MED13: variants seen among roughly 807,000 people sequenced by gnomAD.
MED13 encodes the protein mediator complex subunit 13.
MED13 carries 23 observed loss-of-function variants against 225.2 expected under a neutral mutation model. That is an observed-to-expected ratio of 0.10 (90% CI 0.07 to 0.14). The LOEUF is 0.14. Among genes scored for constraint, MED13 ranks in the 10% least tolerant of loss-of-function variants. MED13 has a pLI of 1.00. For synonymous variants in MED13, 942 were observed against 889.2 expected, an observed-to-expected ratio of 1.06 and a Z score of -1.06; for missense variants, 2,197 against 2,594.5, an observed-to-expected ratio of 0.85 and a Z score of 3.33.
intron 10 of MED13, among the ~76,000 whole-genome samples, chr17:61,993,669 C>T (rs967983846): frequency 1.3e-5 from 2 of 151,990 alleles, no homozygotes; most frequent in African/African-American, 2.4e-5. Context: ...GTGGCTCACG[C>T]CTGTAATCCC....
intron 3 of MED13, among the ~76,000 whole-genome samples, chr17:62,049,477 AC>A (rs1277097601): frequency 6.6e-6 from 1 of 152,184 alleles, no homozygotes; most frequent in African/African-American, 2.4e-5. Context: ...CAGGCATAAA[AC>A]AATCTATCAA....
At chr17:62,060,883 A>C (rs956998234) in intron 2 of MED13, among the ~76,000 whole-genome samples, 1 of 151,888 alleles carries the variant, frequency 6.6e-6, no homozygotes, top group Non-Finnish European at 1.5e-5. Flanking sequence ...TGTCTTCAGT[A>C]GAGATGGGGT....
At chr17:61,977,540 C>T (rs138785944) in intron 16 of MED13, among the ~76,000 whole-genome samples, 1 of 152,212 alleles carries the variant, frequency 6.6e-6, no homozygotes, top group Non-Finnish European at 1.5e-5. Context: ...TAAGCTCCCC[C>T]TCCCGGGTTC....
chr17:61,949,037 G>T (rs1284243024), intron 28 of MED13, among the ~76,000 whole-genome samples: 1 of 149,644 alleles, frequency 6.7e-6, no homozygotes, highest in Non-Finnish European at 1.5e-5. Context: ...GCAGTGAGCC[G>T]AGATCCCGCC....
intron 5 of MED13, among the ~76,000 whole-genome samples, 180 bp from the exon 6 acceptor site, chr17:62,031,818 A>C (rs1168027582): frequency 6.7e-6 from 1 of 148,804 alleles, no homozygotes; most frequent in African/African-American, 2.5e-5. Flanking sequence ...TCTCTTTTTT[A>C]GAAGAAACCA....
chr17:61,960,514 C>T lies in MED13; in HGVS notation c.5480+353G>A, dbSNP rs191551804. On this transcript the variant is annotated intron_variant, in intron 23 of 29. Transcript: ENST00000397786. ...GTTAACTTACTCAGTTTATTAGGGG[C>T]TATATCTTAGATGGTACATGAGAAA... 3.3e-5 allele frequency among the ~76,000 whole-genome samples: 5 copies of T among 152,140 alleles called. No individual in the cohort carries two copies. In the East Asian group the frequency reaches 7.7e-4, roughly 23 times the overall value.
intron 9 of MED13, chr17:62,004,767 G>A (rs941989863): frequency 1.3e-5 from 2 of 152,156 alleles, no homozygotes; most frequent in African/African-American, 4.8e-5. Context: ...GCTGTGTAGA[G>A]AATACATGTA....
intron 6 of MED13, 52 bp from the exon 7 acceptor site, chr17:62,030,065 G>C: frequency 7.2e-7 from 1 of 1,383,468 alleles, no homozygotes; most frequent in Non-Finnish European, 9.5e-7. Context: ...TAGGTTTAAA[G>C]TAACATTATT....
chr17:61,955,296 G>A (rs2079932741), intron 26 of MED13, 86 bp downstream of exon 26: 3 of 1,142,018 alleles, frequency 2.6e-6, no homozygotes, highest in Non-Finnish European at 2.4e-6. Flanking sequence ...GGTAAAACAA[G>A]GTAACATTCA....
At chr17:62,035,745 T>A in intron 3 of MED13, 137 bp from the exon 4 acceptor site, 3 of 727,434 alleles carry the variant, frequency 4.1e-6, no homozygotes, top group South Asian at 2.0e-5. Context: ...AGAAAAAAAA[T>A]CATGGATATG....
At chr17:61,980,212 T>G (rs1382247558) in intron 16 of MED13, among the ~76,000 whole-genome samples, 1 of 151,574 alleles carries the variant, frequency 6.6e-6, no homozygotes, top group Non-Finnish European at 1.5e-5. Context: ...CAAACAAAAA[T>G]TCCCTATACC....
intron 2 of MED13, 118 bp downstream of exon 2, chr17:62,062,949 T>G: frequency 1.5e-6 from 1 of 662,910 alleles, no homozygotes; most frequent in Non-Finnish European, 2.5e-6. Context: ...AAGCTGAATT[T>G]TTATCTGGCC....
chr17:62,031,727 G>A (rs1317908815), intron 5 of MED13, 89 bp from the exon 6 acceptor site: 2 of 713,006 alleles, frequency 2.8e-6, no homozygotes, highest in Non-Finnish European at 4.2e-6. Context: ...GGAAAAGTAG[G>A]TATCACATTT....
In MED13 at chr17:61,986,995, T is replaced by C. The variant is rs2080253254; in HGVS notation, c.2385+12A>G. On this transcript the variant is annotated intron_variant, in intron 12 of 29. Transcript: ENST00000397786. ...AACAAATTATAATCCTATTCATTAA[T>C]GAGATACTCACTGTTAGTTCATCTT... 1 of 1,514,088 alleles carries C rather than the reference T, an allele frequency of 6.6e-7. No individual in the cohort carries two copies. The highest frequency in any genetic ancestry group is 8.9e-7 in the Non-Finnish European group (1 of 1,128,898). The allele number at this position is 1,514,088 out of a possible 1,614,324, so 93.8% of individuals were successfully genotyped here.
intron 11 of MED13, among the ~76,000 whole-genome samples, chr17:61,990,572 A>G (rs932132970): frequency 6.6e-6 from 1 of 150,428 alleles, no homozygotes; most frequent in Non-Finnish European, 1.5e-5. Context: ...ATGTGTGTAT[A>G]TATGTATAGG....
rs1272838439 is a variant in MED13 at position 61,945,167 on chromosome 17, A to T, written c.*1301T>A. On this transcript the variant is annotated 3_prime_UTR_variant, in exon 30 of 30. Transcript: ENST00000397786. ...AAAATGGTTCTTTCACTAGTGGAATAGAGTCTGAATACCAGAATTCACTGA... is the reference window on the plus strand; with the variant it reads ...AAAATGGTTCTTTCACTAGTGGAATTGAGTCTGAATACCAGAATTCACTGA... 1.3e-5 allele frequency: 2 copies of T among 152,274 alleles called. No individual in the cohort carries two copies. The highest frequency in any genetic ancestry group is 2.9e-5 in the Non-Finnish European group (2 of 68,032). 9.4% of individuals were successfully genotyped at this position (152,274 alleles called of 1,614,324 possible).
Position 61,942,656 on chromosome 17 carries a change from G to GT in MED13, c.*3811dup, listed in dbSNP as rs1049735085. 8.3e-3 allele frequency: 1,153 copies of GT among 138,602 alleles called. 8 individuals are homozygous for GT. Among genetic ancestry groups the GT allele is most frequent in the African/African-American group, 0.021 (813 of 38,158 alleles). The allele number at this position is 138,602 out of a possible 1,614,324, so 8.6% of individuals were successfully genotyped here. ...ATTTGAAGTTTTGTTTTTTGTTTTT[G>GT]TTTTTTTTTTTTTAAAAAGTATAAA... On this transcript the variant is annotated 3_prime_UTR_variant, in exon 30 of 30. Transcript: ENST00000397786.
chr17:62,037,793 A>G (rs1192191192), intron 3 of MED13, among the ~76,000 whole-genome samples: 1 of 151,698 alleles, frequency 6.6e-6, no homozygotes, highest in Non-Finnish European at 1.5e-5. Flanking sequence ...TGTTTCTACT[A>G]AAAATACAAA....
intron 15 of MED13, 132 bp downstream of exon 15, chr17:61,984,039 T>C: frequency 4.5e-6 from 3 of 671,762 alleles, no homozygotes; most frequent in East Asian, 6.6e-5. Context: ...ATCACTATAA[T>C]TGATTAACCA....
Sources: gnomAD v4.1 joint callset for allele counts (sites outside exome capture counted in the v4.1 genomes callset) on GRCh38, gnomAD v4.1.1 for gene constraint, MANE v1.5 for transcripts, NCBI Gene and HGNC (gene_info 2026-07-23, HGNC 2026-07-21) for gene names.